ST3GAL3: variants seen among roughly 807,000 people sequenced by gnomAD.
ST3GAL3 encodes ST3 beta-galactoside alpha-2,3-sialyltransferase 3, also known as CMP-N-acetylneuraminate-beta-1,4-galactoside alpha-2,3-sialyltransferase.
In ST3GAL3, 21 loss-of-function variants were observed where a neutral mutation model predicts 50.1. That is an observed-to-expected ratio of 0.42 (90% CI 0.30 to 0.60). The LOEUF is 0.60. Ranked by LOEUF, ST3GAL3 falls within the 20% of genes least tolerant of loss-of-function variation. The pLI is 0.19. For missense variants in ST3GAL3, 353 were observed against 489.4 expected (o/e 0.72, Z 2.63); for synonymous variants, 183 against 190.0 (o/e 0.96, Z 0.30).
At chr1:43,808,024 C>T (rs1386757624) in intron 3 of ST3GAL3, among the ~76,000 whole-genome samples, 1 of 151,988 alleles carries the variant, frequency 6.6e-6, no homozygotes, top group Non-Finnish European at 1.5e-5. Flanking sequence ...TGGAGCTCAG[C>T]CAGGCACAGC....
Position 43,930,192 on chromosome 1 carries a change from G to A in ST3GAL3, c.1099G>A (p.Val367Ile), listed in dbSNP as rs369157620. 2.0e-5 allele frequency: 32 copies of A among 1,613,840 alleles called. No individual in the cohort carries two copies. The highest frequency in any genetic ancestry group is 6.7e-5 in the African/African-American group (5 of 74,926). ...EFLRKLVKARVITDLSSGI is the reference protein window; with the variant it reads ...EFLRKLVKARIITDLSSGI ...TCTGCGGAAGCTGGTGAAAGCTCGCGTCATCACTGATCTAAGCAGTGGCAT... is the reference window on the plus strand; with the variant it reads ...TCTGCGGAAGCTGGTGAAAGCTCGCATCATCACTGATCTAAGCAGTGGCAT... Residue 367 changes from valine to isoleucine, a missense_variant, in exon 12 of 12, where the codon GTC (valine) becomes ATC (isoleucine). Val to Ile is a conservative substitution (Grantham distance 29). Transcript: ENST00000347631.
chr1:43,764,147 G>A (rs1325116836), intron 2 of ST3GAL3, among the ~76,000 whole-genome samples: 1 of 152,154 alleles, frequency 6.6e-6, no homozygotes, highest in Non-Finnish European at 1.5e-5. Flanking sequence ...TAACTTTTAT[G>A]TAGCTCTGTT....
intron 2 of ST3GAL3, among the ~76,000 whole-genome samples, chr1:43,788,815 T>C (rs1010356112): frequency 1.3e-5 from 2 of 152,172 alleles, no homozygotes; most frequent in Admixed American, 6.5e-5. Context: ...AGGATTATAG[T>C]GCAGTATAAT....
intron 1 of ST3GAL3, among the ~76,000 whole-genome samples, chr1:43,715,660 C>T (rs879749591): frequency 2.0e-5 from 3 of 151,722 alleles, no homozygotes; most frequent in Admixed American, 6.6e-5. Context: ...CATGGTGGCA[C>T]ATCCCTGTAG....
chr1:43,820,118 C>T (rs557376292), intron 4 of ST3GAL3, among the ~76,000 whole-genome samples: 9 of 152,084 alleles, frequency 5.9e-5, no homozygotes, highest in Admixed American at 4.6e-4. Context: ...ACACATAGAC[C>T]AATGGAACAT....
intron 1 of ST3GAL3, among the ~76,000 whole-genome samples, chr1:43,733,870 C>G (rs761744850): frequency 6.6e-6 from 1 of 152,212 alleles, no homozygotes; most frequent in Non-Finnish European, 1.5e-5. Flanking sequence ...AATCCCAGCA[C>G]TTTGGGAGGC....
At chr1:43,782,592 A>G (rs1699723936) in intron 2 of ST3GAL3, among the ~76,000 whole-genome samples, 1 of 152,000 alleles carries the variant, frequency 6.6e-6, no homozygotes, top group Admixed American at 6.5e-5. Context: ...CTCTCCACTT[A>G]TCAGTCCCTC....
Position 43,898,999 on chromosome 1 carries a change from A to G in ST3GAL3, c.462-169A>G, listed in dbSNP as rs535109068. On this transcript the variant is annotated intron_variant, in intron 7 of 11. Coordinates refer to ENST00000347631, the MANE Select transcript of ST3GAL3 (RefSeq NM_006279.5). ...GGAGAGTCTCAGGGCCCAGCTACCC[A>G]TTGTATGGTTCAGGCCTTCTCTCAG... The G allele has an allele frequency of 8.6e-6, 7 of 814,126 alleles. No homozygotes were observed. The East Asian group carries it at 1.4e-4, about 16-fold the overall frequency. The allele number at this position is 814,126 out of a possible 1,614,324, so 50.4% of individuals were successfully genotyped here.
chr1:43,730,557 CTTTTCTTTTCTTTCT>C (rs1256292018), intron 1 of ST3GAL3, among the ~76,000 whole-genome samples: 380 of 142,692 alleles, frequency 2.7e-3, no homozygotes, highest in African/African-American at 9.6e-3. Context: ...TTTTTTCTTT[CTTTTCTTTTCTTTCT>C]TTTTTTTTTT....
intron 5 of ST3GAL3, among the ~76,000 whole-genome samples, chr1:43,882,030 C>T (rs566783437): frequency 9.2e-5 from 14 of 152,186 alleles, no homozygotes; most frequent in East Asian, 1.9e-4. Flanking sequence ...GGCTGCAAGC[C>T]GGGGGGTGCT....
chr1:43,823,797 T>C (rs1243698137), intron 4 of ST3GAL3, among the ~76,000 whole-genome samples: 1 of 152,188 alleles, frequency 6.6e-6, no homozygotes, highest in Non-Finnish European at 1.5e-5. Flanking sequence ...CTCTGTGAAG[T>C]AGATGGTATT....
At chr1:43,827,143 A>T (rs2062916290) in intron 4 of ST3GAL3, among the ~76,000 whole-genome samples, 1 of 152,202 alleles carries the variant, frequency 6.6e-6, no homozygotes, top group African/African-American at 2.4e-5. Context: ...GGAGAAATAA[A>T]ACTGTGTTCA....
intron 1 of ST3GAL3, among the ~76,000 whole-genome samples, chr1:43,715,603 A>G (rs1667008676): frequency 6.6e-6 from 1 of 151,682 alleles, no homozygotes; most frequent in Non-Finnish European, 1.5e-5. Context: ...CAGCCTGGGT[A>G]ACATAGTGAG....
At chr1:43,865,166 A>C (rs942769671) in intron 5 of ST3GAL3, among the ~76,000 whole-genome samples, 11 of 151,782 alleles carry the variant, frequency 7.2e-5, no homozygotes, top group African/African-American at 2.7e-4. Context: ...ACAGGCACCC[A>C]CCACCACGCC....
At chr1:43,911,952 G>A (rs563078205) in intron 9 of ST3GAL3, 2 of 152,192 alleles carry the variant, frequency 1.3e-5, no homozygotes, top group South Asian at 2.1e-4. Flanking sequence ...AGCCTCGCAC[G>A]GTGCTAGAAT....
intron 2 of ST3GAL3, among the ~76,000 whole-genome samples, chr1:43,741,658 G>T (rs1248358771): frequency 6.6e-6 from 1 of 152,166 alleles, no homozygotes. Flanking sequence ...GCTTAGGGAG[G>T]TACTCTGCTT....
At position 43,930,198 on chromosome 1, in the gene ST3GAL3, A is replaced by T. The variant is rs142076884; in HGVS notation, c.1105A>T (p.Thr369Ser). Residue 369 changes from threonine to serine, a missense_variant, in exon 12 of 12, where the codon ACT becomes TCT. Coordinates refer to ENST00000347631, the MANE Select transcript of ST3GAL3 (RefSeq NM_006279.5). ...GAAGCTGGTGAAAGCTCGCGTCATC[A>T]CTGATCTAAGCAGTGGCATCTGAGT... is the stretch of plus-strand genomic sequence containing the variant. ...LRKLVKARVITDLSSGI is the reference protein window; with the variant it reads ...LRKLVKARVISDLSSGI The T allele has an allele frequency of 3.7e-5, 59 of 1,613,910 alleles. 1 individual carries two copies. In the South Asian group the frequency reaches 5.3e-4, roughly 14 times the overall value.
intron 2 of ST3GAL3, among the ~76,000 whole-genome samples, chr1:43,742,522 A>G (rs1292080383): frequency 1.3e-5 from 2 of 152,242 alleles, no homozygotes; most frequent in African/African-American, 2.4e-5. Flanking sequence ...CAGTATTCAT[A>G]GTTTTTATGT....
intron 2 of ST3GAL3, among the ~76,000 whole-genome samples, chr1:43,760,522 A>G (rs1689871371): frequency 2.0e-5 from 3 of 152,188 alleles, no homozygotes; most frequent in Admixed American, 2.0e-4. Flanking sequence ...TTGGGAGGCC[A>G]AGGCAGGTGG....
Sources: allele counts gnomAD v4.1 joint callset (sites outside exome capture counted in the v4.1 genomes callset), GRCh38; gene constraint gnomAD v4.1.1; transcripts MANE v1.5; gene names NCBI Gene and HGNC (gene_info 2026-07-23, HGNC 2026-07-21).